Variants in KIAA0825 observed in about 807,000 individuals in gnomAD.
KIAA0825 encodes the protein KIAA0825, also known as uncharacterized protein KIAA0825.
Under a neutral mutation model 147.6 loss-of-function variants are expected in KIAA0825, and 119 were observed. The ratio of observed to expected loss-of-function variants is 0.81; its 90% CI spans 0.69 to 0.94. The LOEUF (loss-of-function observed/expected upper bound fraction) is 0.94, where lower values mean the gene tolerates loss of function less well. Among genes scored for constraint, KIAA0825 ranks in the 40% least tolerant of loss-of-function variants. The pLI is 0.00. For synonymous variants in KIAA0825, 470 were observed against 518.1 expected (o/e 0.91, Z 1.26); for missense variants, 1,381 against 1,472.7 (o/e 0.94, Z 1.02).
At chr5:94,348,659 G>A (rs1368837252) in intron 20 of KIAA0825, among the ~76,000 whole-genome samples, 1 of 151,998 alleles carries the variant, frequency 6.6e-6, no homozygotes, top group Non-Finnish European at 1.5e-5. Flanking sequence ...AGTGACCAGG[G>A]GTAGCTATTC....
At chr5:94,578,563 T>C (rs1781486505) in intron 2 of KIAA0825, among the ~76,000 whole-genome samples, 1 of 152,212 alleles carries the variant, frequency 6.6e-6, no homozygotes, top group South Asian at 2.1e-4. Context: ...AAATTGTGAC[T>C]ACCTTGCATC....
intron 8 of KIAA0825, among the ~76,000 whole-genome samples, chr5:94,472,723 G>A (rs761587239): frequency 2.0e-5 from 3 of 152,184 alleles, no homozygotes; most frequent in South Asian, 4.2e-4. Flanking sequence ...CAGCCTGGGC[G>A]ACAGAGTGAG....
At chr5:94,597,620 A>G (rs1324226393) in intron 1 of KIAA0825, among the ~76,000 whole-genome samples, 2 of 152,118 alleles carry the variant, frequency 1.3e-5, no homozygotes, top group Non-Finnish European at 2.9e-5. Flanking sequence ...AACATATCCC[A>G]TTCTGTATAT....
At chr5:94,504,174 T>G (rs1467677234) in intron 5 of KIAA0825, among the ~76,000 whole-genome samples, 2 of 152,114 alleles carry the variant, frequency 1.3e-5, no homozygotes, top group East Asian at 3.9e-4. Flanking sequence ...TAAGTAACAA[T>G]AAAGAAGCAA....
chr5:94,315,319 A>G lies in KIAA0825; in HGVS notation c.3710+69049T>C, dbSNP rs1409713744. ...TGGTAGGCTAATGATAGCGCTTTCT[A>G]TCTGCTGAAAATCAGAGGCCTAGAG... On this transcript the variant is annotated intron_variant, in intron 20 of 20. Coordinates refer to ENST00000682413, the MANE Select transcript of KIAA0825 (RefSeq NM_001145678.3). Among the ~76,000 whole-genome samples, 5 of 151,690 alleles carry G rather than the reference A, an allele frequency of 3.3e-5. No individual in the cohort carries two copies. In the East Asian group the frequency reaches 7.8e-4, roughly 24 times the overall value.
chr5:94,324,780 A>T (rs1463340191), intron 20 of KIAA0825, among the ~76,000 whole-genome samples: 1 of 151,998 alleles, frequency 6.6e-6, no homozygotes, highest in Non-Finnish European at 1.5e-5. Flanking sequence ...ATTATAGTCT[A>T]CCTATATACC....
At chr5:94,547,062 T>C (rs955080931) in intron 2 of KIAA0825, among the ~76,000 whole-genome samples, 6 of 151,830 alleles carry the variant, frequency 4.0e-5, no homozygotes, top group African/African-American at 4.8e-5. Flanking sequence ...AAAAATGTAA[T>C]TGACATACTG....
At chr5:94,507,692 GA>G (rs77851616) in intron 5 of KIAA0825, among the ~76,000 whole-genome samples, 210 of 130,316 alleles carry the variant, frequency 1.6e-3, no homozygotes, top group South Asian at 7.4e-3. Context: ...ATACTTCTGA[GA>G]AAAAAAAAAA....
intron 4 of KIAA0825, among the ~76,000 whole-genome samples, chr5:94,522,020 A>G (rs929597173): frequency 2.2e-4 from 34 of 151,812 alleles, no homozygotes; most frequent in African/African-American, 8.2e-4. Flanking sequence ...TCTGTAATAA[A>G]TAATTATACC....
chr5:94,456,094 G>A lies in KIAA0825; in HGVS notation c.2247-3025C>T, dbSNP rs542100808. On this transcript the variant is annotated intron_variant, in intron 12 of 20. Coordinates refer to ENST00000682413, the MANE Select transcript of KIAA0825 (RefSeq NM_001145678.3). ...TCTCAAAGGAAGAGAAAGACTCAGA[G>A]AAAATGACGGGACAAGACATGGAAG... Among the ~76,000 whole-genome samples the A allele has an allele frequency of 1.4e-3, 209 of 152,182 alleles. 1 individual carries two copies. The highest frequency in any genetic ancestry group is 2.7e-3 in the Non-Finnish European group (181 of 68,032).
intron 16 of KIAA0825, 74 bp downstream of exon 16, chr5:94,403,495 A>C: frequency 9.0e-7 from 1 of 1,113,050 alleles, no homozygotes; most frequent in Non-Finnish European, 1.3e-6. Context: ...AAATTTTAGA[A>C]TTTTACTTGA....
chr5:94,217,675 G>T (rs536119655), intron 20 of KIAA0825, among the ~76,000 whole-genome samples: 156 of 152,264 alleles, frequency 1.0e-3, no homozygotes, highest in Non-Finnish European at 1.7e-3. Context: ...AGTCCAGGAA[G>T]AATACTTTTG....
chr5:94,446,961 A>G (rs959556088), intron 13 of KIAA0825, among the ~76,000 whole-genome samples: 2 of 152,024 alleles, frequency 1.3e-5, no homozygotes, highest in African/African-American at 4.8e-5. Flanking sequence ...AATTAATGAG[A>G]CTTAGTAATG....
At chr5:94,530,086 C>T (rs1391759092) in intron 3 of KIAA0825, among the ~76,000 whole-genome samples, 1 of 151,938 alleles carries the variant, frequency 6.6e-6, no homozygotes, top group Non-Finnish European at 1.5e-5. Flanking sequence ...GCCTGACCAA[C>T]ATGGTGAAAC....
At chr5:94,533,460 A>G (rs1771324423) in intron 3 of KIAA0825, among the ~76,000 whole-genome samples, 1 of 151,440 alleles carries the variant, frequency 6.6e-6, no homozygotes, top group Admixed American at 6.6e-5. Flanking sequence ...TATTCTTAGT[A>G]GAGACAGGGT....
chr5:94,254,967 T>C (rs1225787411), intron 20 of KIAA0825, among the ~76,000 whole-genome samples: 1 of 152,032 alleles, frequency 6.6e-6, no homozygotes, highest in Non-Finnish European at 1.5e-5. Context: ...CATAAATGTA[T>C]GGAAATTTGG....
Position 94,451,627 on chromosome 5 carries a change from A to G in KIAA0825, c.2357+1332T>C, listed in dbSNP as rs556930794. ...GCTGTAGATATAGAAAAGAGAAAGAAGTTAATATAAGAATTAGTGTTTGAA... is the reference window on the plus strand; with the variant it reads ...GCTGTAGATATAGAAAAGAGAAAGAGGTTAATATAAGAATTAGTGTTTGAA... On this transcript the variant is annotated intron_variant, in intron 13 of 20. Coordinates refer to ENST00000682413, the MANE Select transcript of KIAA0825 (RefSeq NM_001145678.3). Among the ~76,000 whole-genome samples the G allele has an allele frequency of 7.9e-5, 12 of 152,350 alleles. No individual in the cohort carries two copies. In the South Asian group the frequency reaches 2.1e-3, roughly 26 times the overall value.
intron 20 of KIAA0825, among the ~76,000 whole-genome samples, chr5:94,327,467 T>A (rs1000768329): frequency 6.6e-6 from 1 of 152,180 alleles, no homozygotes; most frequent in Non-Finnish European, 1.5e-5. Context: ...GGTATATTTG[T>A]TATCCACAAT....
intron 13 of KIAA0825, among the ~76,000 whole-genome samples, chr5:94,443,405 A>G (rs1356549161): frequency 6.6e-6 from 1 of 151,946 alleles, no homozygotes; most frequent in Non-Finnish European, 1.5e-5. Context: ...TCAAATATGT[A>G]CATGTTGAAT....
Sources: gnomAD v4.1 joint callset for allele counts (sites outside exome capture counted in the v4.1 genomes callset) on GRCh38, gnomAD v4.1.1 for gene constraint, MANE v1.5 for transcripts, NCBI Gene and HGNC (gene_info 2026-07-23, HGNC 2026-07-21) for gene names.